The following CEP83 variants were observed in gnomAD, a reference collection of about 807,000 sequenced individuals.
The protein encoded by CEP83 is centrosomal protein 83, also known as centrosomal protein of 83 kDa.
CEP83 carries 70 observed loss-of-function variants against 101.9 expected under a neutral mutation model. That is an observed-to-expected ratio of 0.69 (90% confidence interval 0.57 to 0.84). CEP83 has a LOEUF of 0.84. Among genes scored for constraint, CEP83 ranks in the 40% least tolerant of loss-of-function variants. CEP83 has a pLI of 0.00. For synonymous variants in CEP83, 264 were observed against 267.9 expected (o/e 0.99, Z 0.14); for missense variants, 715 against 787.2 (o/e 0.91, Z 1.10).
Position 94,426,034 on chromosome 12 carries a change from A to C in CEP83, c.-102+9241T>G, listed in dbSNP as rs1194619792. 2.0e-5 allele frequency among the ~76,000 whole-genome samples: 3 copies of C among 151,878 alleles called. No individual in the cohort carries two copies. The East Asian group carries it at 5.8e-4, about 29-fold the overall frequency. ...CTACTCGGGAGGCTGAGGCAGGAGA[A>C]TGGTGTGAACCTGGGAGGTGGAGCT... On this transcript the variant is annotated intron_variant, in intron 2 of 16. Transcript: ENST00000397809.
intron 11 of CEP83, among the ~76,000 whole-genome samples, chr12:94,351,297 GA>G (rs908959372): frequency 2.1e-4 from 32 of 152,220 alleles, no homozygotes; most frequent in Middle Eastern, 3.4e-3. Context: ...CCGGTACAGG[GA>G]GCTGCTTGGA....
chr12:94,290,837 G>A, the CEP83 span, among the ~76,000 whole-genome samples: 5 of 152,244 alleles, frequency 3.3e-5, no homozygotes, highest in Admixed American at 2.0e-4. Flanking sequence ...GGAGGGAAAA[G>A]TCACTTAGCT....
the CEP83 span, among the ~76,000 whole-genome samples, chr12:94,299,529 A>G: frequency 1.3e-5 from 2 of 151,894 alleles, no homozygotes. Flanking sequence ...CCAATTCTCT[A>G]CGCTGGCTTG....
At chr12:94,305,283 T>C, downstream of CEP83, 1 of 1,596,522 alleles carries the variant, frequency 6.3e-7, no homozygotes, top group Non-Finnish European at 8.6e-7. Flanking sequence ...CAAGTGGATG[T>C]AAGCACTCTG....
chr12:94,427,598 C>T (rs1246696854), intron 2 of CEP83, among the ~76,000 whole-genome samples: 1 of 152,064 alleles, frequency 6.6e-6, no homozygotes, highest in East Asian at 1.9e-4. Flanking sequence ...TATGGTAATT[C>T]AAAATATTCA....
chr12:94,338,717 A>C (rs1245612808), intron 11 of CEP83, among the ~76,000 whole-genome samples: 1 of 152,206 alleles, frequency 6.6e-6, no homozygotes, highest in Non-Finnish European at 1.5e-5. Context: ...TTGGGGGAAA[A>C]GTTAACTATG....
At chr12:94,348,644 T>C (rs1273038756) in intron 11 of CEP83, among the ~76,000 whole-genome samples, 1 of 152,102 alleles carries the variant, frequency 6.6e-6, no homozygotes, top group African/African-American at 2.4e-5. Context: ...TCATGGTCAC[T>C]GTTTGGTGGT....
chr12:94,390,865 G>A (rs1411637614), intron 6 of CEP83, among the ~76,000 whole-genome samples: 1 of 152,174 alleles, frequency 6.6e-6, no homozygotes, highest in Non-Finnish European at 1.5e-5. Flanking sequence ...TCAAGTGGAA[G>A]AAAGGGCATC....
chr12:94,330,849 T>C (rs2059166627), intron 14 of CEP83, among the ~76,000 whole-genome samples: 1 of 152,202 alleles, frequency 6.6e-6, no homozygotes. Context: ...ACAACTGACT[T>C]ACATACAAAA....
chr12:94,289,866 C>T, the CEP83 span, among the ~76,000 whole-genome samples: 7 of 152,166 alleles, frequency 4.6e-5, no homozygotes, highest in Admixed American at 6.5e-5. Flanking sequence ...ACACACACAA[C>T]TCATCCACTA....
rs76168582 is a variant in CEP83, at chr12:94,440,434, C to T, written c.-154-5107G>A. On this transcript the variant is annotated intron_variant, in intron 1 of 16. Coordinates refer to ENST00000397809, the MANE Select transcript of CEP83 (RefSeq NM_016122.3). ...CAAATCAAGAACTCAACCCCTTTTA[C>T]AATAGCTGCAAAAAATAAAATAAAA... 3.9e-3 allele frequency among the ~76,000 whole-genome samples: 595 copies of T among 151,216 alleles called. 20 individuals carry two copies. The highest frequency in any genetic ancestry group is 0.036 in the Admixed American group (549 of 15,150).
the CEP83 span, among the ~76,000 whole-genome samples, chr12:94,284,066 G>C: frequency 1.4e-5 from 2 of 138,528 alleles, no homozygotes; most frequent in East Asian, 2.1e-4. Flanking sequence ...CTGTGCGACA[G>C]AGCAAGACTC....
chr12:94,406,262 T>C (rs2063526697), intron 4 of CEP83, among the ~76,000 whole-genome samples: 1 of 151,852 alleles, frequency 6.6e-6, no homozygotes, highest in South Asian at 2.1e-4. Flanking sequence ...GAGGTGGAGA[T>C]TGCAGTGAGC....
intron 2 of CEP83, chr12:94,424,408 C>T: frequency 6.2e-7 from 1 of 1,614,066 alleles, no homozygotes. Context: ...TGGCTTCACA[C>T]TTCTCTGTGG....
the CEP83 span, among the ~76,000 whole-genome samples, chr12:94,295,453 T>C: frequency 6.6e-6 from 1 of 152,204 alleles, no homozygotes; most frequent in Non-Finnish European, 1.5e-5. Flanking sequence ...GTTTCAAAGA[T>C]TGGGCCTTTT....
rs577668407 is a variant in CEP83, at chr12:94,367,816, T to C, written c.1321A>G (p.Arg441Gly). 7.2e-5 allele frequency: 116 copies of C among 1,612,426 alleles called. 2 individuals are homozygous for C. In the South Asian group the frequency reaches 1.1e-3, roughly 15 times the overall value. ...RASQMAEEITRKELQSVRLKL... is the reference protein window; with the variant it reads ...RASQMAEEITGKELQSVRLKL... ...AACCTAACACTCTGAAGCTCCTTCC[T>C]GGTGATCTCTTCTGCCATCTGTGAA... The change falls in exon 11 of 17, where the codon AGG becomes GGG. Residue 441 changes from arginine to glycine, a missense_variant. Arg to Gly is a moderately radical substitution (Grantham distance 125). Transcript: ENST00000397809.
intron 1 of CEP83, among the ~76,000 whole-genome samples, chr12:94,454,538 G>C (rs2067500234): frequency 1.3e-5 from 2 of 152,198 alleles, no homozygotes; most frequent in African/African-American, 4.8e-5. Context: ...TCTGTAAAAT[G>C]GACCAATTAG....
At chr12:94,406,450 T>TGAGAGA (rs145004289) in intron 4 of CEP83, among the ~76,000 whole-genome samples, 5 of 148,512 alleles carry the variant, frequency 3.4e-5, no homozygotes, top group Admixed American at 6.7e-5. Flanking sequence ...CAGAGAAGCA[T>TGAGAGA]GAGAGAGAGA....
chr12:94,330,573 G>A (rs1341348695), intron 14 of CEP83, among the ~76,000 whole-genome samples: 2 of 152,200 alleles, frequency 1.3e-5, no homozygotes, highest in African/African-American at 2.4e-5. Context: ...AATGCTGTGG[G>A]AACTCCTGTG....
Sources: allele counts gnomAD v4.1 joint callset (sites outside exome capture counted in the v4.1 genomes callset), GRCh38; gene constraint gnomAD v4.1.1; transcripts MANE v1.5; gene names NCBI Gene and HGNC (gene_info 2026-07-23, HGNC 2026-07-21).